Variants in QTMAN observed in about 807,000 individuals in gnomAD.
QTMAN encodes the protein tRNA-queuosine alpha-mannosyltransferase.
the QTMAN span, among the ~76,000 whole-genome samples, chr2:144,140,524 AGTT>A: frequency 6.6e-6 from 1 of 152,034 alleles, no homozygotes; most frequent in Non-Finnish European, 1.5e-5. Context: ...ATTTTTCAAA[AGTT>A]GTAGTTCTCT....
At chr2:144,114,678 C>T in the QTMAN span, among the ~76,000 whole-genome samples, 2 of 133,144 alleles carry the variant, frequency 1.5e-5, no homozygotes, top group African/African-American at 2.9e-5. Context: ...ATGAGTAGTG[C>T]CCACACTACA....
At chr2:144,247,914 C>T in the QTMAN span, among the ~76,000 whole-genome samples, 1 of 152,200 alleles carries the variant, frequency 6.6e-6, no homozygotes, top group Admixed American at 6.5e-5. Context: ...TGGTCTCGCA[C>T]TCTTAGGCTC....
chr2:144,085,502 G>GT, the QTMAN span, among the ~76,000 whole-genome samples: 2 of 152,160 alleles, frequency 1.3e-5, no homozygotes, highest in Non-Finnish European at 2.9e-5. Flanking sequence ...AGCTTAGAGG[G>GT]TAAGAAAAGG....
the QTMAN span, among the ~76,000 whole-genome samples, chr2:143,966,856 G>GA: frequency 6.6e-6 from 1 of 152,248 alleles, no homozygotes; most frequent in African/African-American, 2.4e-5. Flanking sequence ...ATTTAGTGAT[G>GA]ATTGTTTGCT....
the QTMAN span, among the ~76,000 whole-genome samples, chr2:144,295,474 T>G: frequency 6.6e-6 from 1 of 152,202 alleles, no homozygotes; most frequent in Non-Finnish European, 1.5e-5. Context: ...AGCATTTTCA[T>G]AAATTATAAT....
At chr2:144,183,502 G>A in the QTMAN span, among the ~76,000 whole-genome samples, 1 of 152,048 alleles carries the variant, frequency 6.6e-6, no homozygotes, top group East Asian at 1.9e-4. Context: ...TACAGGACAA[G>A]GGGACATGTA....
chr2:143,950,811 G>A, the QTMAN span: 2 of 151,784 alleles, frequency 1.3e-5, no homozygotes, highest in African/African-American at 4.8e-5. Flanking sequence ...TTTCTCTGTG[G>A]AGCTTCCCAT....
At chr2:144,246,667 T>C in the QTMAN span, among the ~76,000 whole-genome samples, 1 of 151,900 alleles carries the variant, frequency 6.6e-6, no homozygotes, top group Non-Finnish European at 1.5e-5. Flanking sequence ...CTCAATTTAC[T>C]GTGTTCCAAC....
the QTMAN span, among the ~76,000 whole-genome samples, chr2:144,112,264 C>T: frequency 5.3e-5 from 8 of 152,318 alleles, no homozygotes; most frequent in Admixed American, 2.0e-4. Flanking sequence ...TACAGATGTA[C>T]TTGTCTCTCT....
At chr2:144,028,873 A>G in the QTMAN span, among the ~76,000 whole-genome samples, 4 of 152,198 alleles carry the variant, frequency 2.6e-5, no homozygotes, top group African/African-American at 7.2e-5. Context: ...TAACTATGCC[A>G]GTTAAATTTC....
the QTMAN span, among the ~76,000 whole-genome samples, chr2:143,948,976 T>C: frequency 6.6e-6 from 1 of 152,128 alleles, no homozygotes; most frequent in African/African-American, 2.4e-5. Context: ...ATGACTCAAC[T>C]GTAGACATAA....
At chr2:144,133,149 ATAATAT>A in the QTMAN span, among the ~76,000 whole-genome samples, 269 of 53,830 alleles carry the variant, frequency 5.0e-3, 6 homozygotes, top group African/African-American at 0.035. Flanking sequence ...ATATATATAT[ATAATAT>A]AATATAATAT....
the QTMAN span, among the ~76,000 whole-genome samples, chr2:144,151,244 T>C: frequency 6.6e-6 from 1 of 152,130 alleles, no homozygotes; most frequent in Admixed American, 6.6e-5. Context: ...ATGTTAAAAA[T>C]TATTTCTAAA....
chr2:144,315,514 C>T, the QTMAN span, among the ~76,000 whole-genome samples: 1 of 152,346 alleles, frequency 6.6e-6, no homozygotes, highest in Admixed American at 6.5e-5. Flanking sequence ...TATTAAAGGT[C>T]ACTTGTTCCT....
At chr2:144,196,770 C>CTATA in the QTMAN span, among the ~76,000 whole-genome samples, 1 of 152,302 alleles carries the variant, frequency 6.6e-6, no homozygotes, top group South Asian at 2.1e-4. Context: ...CTTTTCTGAA[C>CTATA]TATATATCAA....
the QTMAN span, among the ~76,000 whole-genome samples, chr2:144,156,738 T>C: frequency 2.2e-4 from 34 of 152,150 alleles, no homozygotes; most frequent in South Asian, 6.6e-3. Context: ...ACTGCCCTCT[T>C]TAAGTTATAT....
the QTMAN span, chr2:144,294,235 T>C: frequency 2.0e-5 from 3 of 152,210 alleles, no homozygotes; most frequent in East Asian, 3.9e-4. Flanking sequence ...CAACCAGAAG[T>C]GTTCACTCTG....
At chr2:144,133,300 TGTTC>T in the QTMAN span, among the ~76,000 whole-genome samples, 1 of 37,788 alleles carries the variant, frequency 2.6e-5, no homozygotes, top group African/African-American at 1.1e-4. Flanking sequence ...TAAATATATA[TGTTC>T]ATATAAATAT....
At chr2:143,959,706 T>G in the QTMAN span, among the ~76,000 whole-genome samples, 1 of 152,154 alleles carries the variant, frequency 6.6e-6, no homozygotes, top group Non-Finnish European at 1.5e-5. Context: ...TTTCAGATCA[T>G]GTAAAATTAA....
Sources: allele counts gnomAD v4.1 joint callset (sites outside exome capture counted in the v4.1 genomes callset), GRCh38; gene constraint gnomAD v4.1.1; transcripts MANE v1.5; gene names NCBI Gene and HGNC (gene_info 2026-07-23, HGNC 2026-07-21).